Variants in PIK3C2A observed in about 807,000 individuals in gnomAD.
PIK3C2A encodes phosphatidylinositol 4-phosphate 3-kinase C2 domain-containing subunit alpha.
In PIK3C2A, 97 loss-of-function variants were observed where a neutral mutation model predicts 204.5. That is an observed-to-expected ratio of 0.47 (90% CI 0.40 to 0.56). The LOEUF is 0.56. Ranked by LOEUF, PIK3C2A falls within the 20% of genes least tolerant of loss-of-function variation. The pLI, the probability that PIK3C2A is intolerant of heterozygous loss-of-function variation, is 0.00. For missense variants in PIK3C2A, 1,735 were observed against 1,969.2 expected, an observed-to-expected ratio of 0.88 and a Z score of 2.25; for synonymous variants, 653 against 664.4, an observed-to-expected ratio of 0.98 and a Z score of 0.26.
chr11:17,125,411 T>A (rs562966584), intron 13 of PIK3C2A, among the ~76,000 whole-genome samples: 1 of 152,326 alleles, frequency 6.6e-6, no homozygotes, highest in South Asian at 2.1e-4. Context: ...ATGTCAATAC[T>A]GCCAAGATTG....
chr11:17,158,847 T>C (rs563427696), intron 2 of PIK3C2A, among the ~76,000 whole-genome samples: 10 of 152,314 alleles, frequency 6.6e-5, no homozygotes, highest in African/African-American at 2.4e-4. Context: ...ATTAGGTCTT[T>C]CCTTTTATTC....
intron 8 of PIK3C2A, among the ~76,000 whole-genome samples, 165 bp from the exon 9 acceptor site, chr11:17,136,790 A>G (rs1849888059): frequency 6.6e-6 from 1 of 152,242 alleles, no homozygotes; most frequent in African/African-American, 2.4e-5. Flanking sequence ...AGTTTATTTC[A>G]AAGTAGGAAA....
At chr11:17,109,266 C>T (rs1287469243) in intron 22 of PIK3C2A, among the ~76,000 whole-genome samples, 1 of 152,216 alleles carries the variant, frequency 6.6e-6, no homozygotes, top group East Asian at 1.9e-4. Context: ...GAGCTTTCAG[C>T]TTATTAAAGC....
intron 18 of PIK3C2A, among the ~76,000 whole-genome samples, chr11:17,117,896 G>A (rs1442232246): frequency 6.6e-6 from 1 of 151,266 alleles, no homozygotes; most frequent in East Asian, 1.9e-4. Context: ...TGTATTTTTA[G>A]TAGAGATGGG....
chr11:17,090,607 T>C (rs1848280230), intron 32 of PIK3C2A, among the ~76,000 whole-genome samples: 1 of 152,228 alleles, frequency 6.6e-6, no homozygotes, highest in South Asian at 2.1e-4. Context: ...GTTCACACAC[T>C]GGAAACGTAG....
At chr11:17,196,575 A>T (rs1019870356) in intron 1 of PIK3C2A, among the ~76,000 whole-genome samples, 121 of 151,730 alleles carry the variant, frequency 8.0e-4, no homozygotes, top group African/African-American at 2.8e-3. Flanking sequence ...TACTATTATT[A>T]TTATTTTTTT....
At chr11:17,171,799 G>A (rs982480810) in intron 1 of PIK3C2A, among the ~76,000 whole-genome samples, 1 of 152,106 alleles carries the variant, frequency 6.6e-6, no homozygotes, top group Non-Finnish European at 1.5e-5. Flanking sequence ...TAGAGATGGG[G>A]GAGGTCTCAT....
rs1161992181 is a variant in PIK3C2A at position 17,134,859 on chromosome 11, T to C, written c.2068A>G (p.Ile690Val). The change falls in exon 11 of 33, where the codon ATT becomes GTT. Residue 690 changes from isoleucine to valine, a missense_variant. Transcript: ENST00000691414. ...WTTTEQLQFT[I>V]FAAHGISSNW... ...CTTGAAATTCCATGAGCAGCAAAAA[T>C]AGTAAACTGGAGCTGCTCTGTTGTA... The C allele has an allele frequency of 2.5e-6, 4 of 1,614,114 alleles. No homozygotes were observed. Among genetic ancestry groups the C allele is most frequent in the Non-Finnish European group, 3.4e-6 (4 of 1,179,990 alleles).
intron 13 of PIK3C2A, among the ~76,000 whole-genome samples, chr11:17,126,038 C>G (rs2137361459): frequency 6.6e-6 from 1 of 152,162 alleles, no homozygotes; most frequent in South Asian, 2.1e-4. Context: ...GCATGAGAAT[C>G]ACTTGAACCT....
intron 9 of PIK3C2A, among the ~76,000 whole-genome samples, chr11:17,135,675 A>ATGTGTG (rs1849845812): frequency 1.1e-5 from 1 of 87,868 alleles, no homozygotes; most frequent in African/African-American, 4.2e-5. Flanking sequence ...GTAATTTCAT[A>ATGTGTG]TATGTGTGTG....
intron 19 of PIK3C2A, chr11:17,115,799 A>G (rs1409451914): frequency 6.6e-6 from 1 of 152,190 alleles, no homozygotes; most frequent in African/African-American, 2.4e-5. Context: ...CGCCAAAACC[A>G]TTCAAGAGGA....
Position 17,145,866 on chromosome 11 carries a change from G to A in PIK3C2A, c.1637C>T (p.Thr546Met), listed in dbSNP as rs551448516. 2.0e-5 allele frequency: 33 copies of A among 1,612,484 alleles called. No homozygotes were observed. The highest frequency in any genetic ancestry group is 1.6e-4 in the East Asian group (7 of 44,790). The change falls in exon 7 of 33, where the codon ACG becomes ATG. Residue 546 changes from threonine (T) to methionine (M), a missense_variant. By Grantham distance (81) the Thr-to-Met change is moderately conservative (BLOSUM62 -1). Transcript: ENST00000691414. ...QIEKPCKEAM[T>M]RHPVEELLDS... ...ATTAATGCTTTAGATGATATACCTC[G>A]TCATGGCTTCTTTGCAAGGTTTTTC... is the stretch of plus-strand genomic sequence containing the variant.
intron 1 of PIK3C2A, among the ~76,000 whole-genome samples, chr11:17,197,181 T>C (rs1852191776): frequency 1.3e-5 from 2 of 151,946 alleles, no homozygotes; most frequent in Admixed American, 1.3e-4. Flanking sequence ...CCACCATGCC[T>C]GGCTAATTTT....
At chr11:17,188,313 C>T (rs1851824098) in intron 1 of PIK3C2A, among the ~76,000 whole-genome samples, 1 of 146,028 alleles carries the variant, frequency 6.8e-6, no homozygotes, top group South Asian at 2.1e-4. Flanking sequence ...TACACTCCAA[C>T]CTGGGTGACA....
At chr11:17,102,572 G>A in intron 24 of PIK3C2A, 90 bp downstream of exon 24, 2 of 997,756 alleles carry the variant, frequency 2.0e-6, no homozygotes, top group Non-Finnish European at 3.0e-6. Context: ...TTCAAATGGA[G>A]CCGCGAGGCA....
chr11:17,156,585 G>A (rs1006420889), intron 2 of PIK3C2A, among the ~76,000 whole-genome samples: 4 of 151,978 alleles, frequency 2.6e-5, no homozygotes, highest in Non-Finnish European at 4.4e-5. Flanking sequence ...GTTTTACCAT[G>A]TTGCCCAGGA....
chr11:17,192,366 C>A (rs1429232258), intron 1 of PIK3C2A, among the ~76,000 whole-genome samples: 2 of 152,156 alleles, frequency 1.3e-5, no homozygotes, highest in African/African-American at 4.8e-5. Context: ...ACATCTCCAT[C>A]TCATATTTTA....
chr11:17,172,667 T>C (rs1199079489), intron 1 of PIK3C2A, among the ~76,000 whole-genome samples: 1 of 152,256 alleles, frequency 6.6e-6, no homozygotes, highest in Non-Finnish European at 1.5e-5. Context: ...ACCACCTTCC[T>C]TCACTTATCC....
chr11:17,168,559 C>T (rs777174976), intron 2 of PIK3C2A, 118 bp downstream of exon 2: 229 of 721,640 alleles, frequency 3.2e-4, no homozygotes, highest in Middle Eastern at 2.7e-3. Flanking sequence ...CCAGCCTGGG[C>T]GACAGAGCGA....
Sources: allele counts gnomAD v4.1 joint callset (sites outside exome capture counted in the v4.1 genomes callset), GRCh38; gene constraint gnomAD v4.1.1; transcripts MANE v1.5; gene names NCBI Gene and HGNC (gene_info 2026-07-23, HGNC 2026-07-21).